Variants in ERC2 observed in about 807,000 individuals in gnomAD.
The protein encoded by ERC2 is ELKS/RAB6-interacting/CAST family member 2, also known as ERC protein 2.
In ERC2, 42 loss-of-function variants were observed where a neutral mutation model predicts 114.8. The observed-to-expected ratio is 0.37, with a 90% CI of 0.29 to 0.47. The LOEUF (loss-of-function observed/expected upper bound fraction) is 0.47, where lower values mean the gene tolerates loss of function less well. Among genes scored for constraint, ERC2 ranks in the 20% least tolerant of loss-of-function variants. The pLI is 0.99. For missense variants in ERC2, 939 were observed against 1,150.7 expected, an observed-to-expected ratio of 0.82 and a Z score of 2.66; for synonymous variants, 454 against 425.5, an observed-to-expected ratio of 1.07 and a Z score of -0.82.
chr3:55,786,804 T>C (rs1354752832), intron 14 of ERC2, among the ~76,000 whole-genome samples: 1 of 151,986 alleles, frequency 6.6e-6, no homozygotes, highest in African/African-American at 2.4e-5. Context: ...ATGAGTTGAG[T>C]GAGCTCTACC....
chr3:55,570,710 C>T (rs2056657131), intron 17 of ERC2, among the ~76,000 whole-genome samples: 1 of 152,144 alleles, frequency 6.6e-6, no homozygotes, highest in East Asian at 1.9e-4. Flanking sequence ...TTGGAGCTTC[C>T]CTTTCCTTCC....
At chr3:55,800,737 T>C (rs550743198) in intron 14 of ERC2, among the ~76,000 whole-genome samples, 1 of 152,244 alleles carries the variant, frequency 6.6e-6, no homozygotes, top group East Asian at 1.9e-4. Context: ...CTCCTTGCTT[T>C]CTTCCCCACA....
rs549974795 is a variant in ERC2 at position 56,381,781 on chromosome 3, C to A, written c.657+52570G>T. Among the ~76,000 whole-genome samples the A allele has an allele frequency of 4.2e-3, 644 of 151,646 alleles. 4 individuals are homozygous for A. Among genetic ancestry groups the A allele is most frequent in the Non-Finnish European group, 5.8e-3 (392 of 67,838 alleles). ...AAAAAAAGGGGGGGGTGGAAAAAAA[C>A]CAGGCAAAGTGATCTCTGATGGCTC... On this transcript the variant is annotated intron_variant, in intron 2 of 17. Transcript: ENST00000288221.
chr3:56,288,391 T>C (rs538070699), intron 3 of ERC2, among the ~76,000 whole-genome samples: 2 of 152,202 alleles, frequency 1.3e-5, no homozygotes, highest in South Asian at 2.1e-4. Flanking sequence ...ACATTCTCAC[T>C]CCTCCCTGGT....
chr3:56,320,231 G>C (rs1443558463), intron 2 of ERC2, among the ~76,000 whole-genome samples: 1 of 152,064 alleles, frequency 6.6e-6, no homozygotes, highest in Non-Finnish European at 1.5e-5. Flanking sequence ...GAAGAAACAG[G>C]TTAACTACAA....
intron 13 of ERC2, among the ~76,000 whole-genome samples, chr3:55,926,415 T>TTTA (rs112688151): frequency 3.1e-4 from 46 of 148,382 alleles, no homozygotes; most frequent in African/African-American, 1.1e-3. Context: ...TTTTTGTTTT[T>TTTA]AAAAAAAAAA....
intron 2 of ERC2, among the ~76,000 whole-genome samples, chr3:56,306,612 A>G (rs2056241059): frequency 6.6e-6 from 1 of 152,198 alleles, no homozygotes; most frequent in South Asian, 2.1e-4. Flanking sequence ...AGGATGGGTA[A>G]TTTTCTCAGG....
chr3:56,060,525 A>C (rs2076202445), intron 7 of ERC2, among the ~76,000 whole-genome samples: 1 of 152,214 alleles, frequency 6.6e-6, no homozygotes, highest in Non-Finnish European at 1.5e-5. Context: ...GCAATCATAC[A>C]CATTCTGTCT....
At chr3:56,164,798 G>A (rs535004564) in intron 4 of ERC2, among the ~76,000 whole-genome samples, 6 of 152,126 alleles carry the variant, frequency 3.9e-5, no homozygotes, top group South Asian at 2.1e-4. Flanking sequence ...TAGTGTGGGA[G>A]AAGTTGTATT....
intron 17 of ERC2, among the ~76,000 whole-genome samples, chr3:55,602,995 C>G (rs145908357): frequency 1.3e-5 from 2 of 152,064 alleles, no homozygotes; most frequent in African/African-American, 2.4e-5. Flanking sequence ...AAGAGAAGAC[C>G]GAGCATCTCC....
chr3:56,395,851 TG>T (rs2060286913), intron 2 of ERC2, among the ~76,000 whole-genome samples: 1 of 152,228 alleles, frequency 6.6e-6, no homozygotes, highest in Admixed American at 6.5e-5. Context: ...ATTATGCAAT[TG>T]AAGACTGCTA....
At chr3:55,657,820 A>G (rs2060944019) in intron 17 of ERC2, 1 of 152,018 alleles carries the variant, frequency 6.6e-6, no homozygotes, top group Non-Finnish European at 1.5e-5. Context: ...GTAGATAACA[A>G]TTTTTAATTA....
At chr3:55,829,185 G>A (rs549552725) in intron 14 of ERC2, among the ~76,000 whole-genome samples, 21 of 152,210 alleles carry the variant, frequency 1.4e-4, no homozygotes, top group African/African-American at 4.1e-4. Flanking sequence ...AACCAATTTT[G>A]AAAGGAAAAG....
intron 14 of ERC2, among the ~76,000 whole-genome samples, chr3:55,846,619 G>A (rs975893531): frequency 6.6e-5 from 10 of 151,928 alleles, no homozygotes; most frequent in African/African-American, 1.2e-4. Flanking sequence ...CACCAACAGC[G>A]TATAAGTGTT....
intron 6 of ERC2, among the ~76,000 whole-genome samples, chr3:56,104,907 A>G (rs1301903155): frequency 2.0e-5 from 3 of 152,158 alleles, no homozygotes; most frequent in Admixed American, 1.3e-4. Context: ...ATAGAACGCT[A>G]GAAAATGTCA....
chr3:55,636,538 T>G (rs1356355298), intron 17 of ERC2, among the ~76,000 whole-genome samples: 2 of 152,204 alleles, frequency 1.3e-5, no homozygotes, highest in African/African-American at 4.8e-5. Context: ...ATGTGTTCAA[T>G]GAACAAATGA....
chr3:55,807,706 T>C (rs754689660), intron 14 of ERC2, among the ~76,000 whole-genome samples: 12 of 152,216 alleles, frequency 7.9e-5, no homozygotes, highest in Non-Finnish European at 1.6e-4. Context: ...TTATGATGGA[T>C]AACGTGGTCT....
intron 2 of ERC2, among the ~76,000 whole-genome samples, chr3:56,304,715 C>T (rs975570689): frequency 5.3e-5 from 8 of 152,028 alleles, no homozygotes; most frequent in Admixed American, 3.3e-4. Context: ...CAGCATTAGA[C>T]AAAGTATTCT....
intron 2 of ERC2, among the ~76,000 whole-genome samples, chr3:56,431,885 C>T (rs2061808357): frequency 6.6e-6 from 1 of 152,210 alleles, no homozygotes; most frequent in Admixed American, 6.5e-5. Flanking sequence ...CACATTTCAC[C>T]TATGATACCA....
Sources: gnomAD v4.1 joint callset for allele counts (sites outside exome capture counted in the v4.1 genomes callset) on GRCh38, gnomAD v4.1.1 for gene constraint, MANE v1.5 for transcripts, NCBI Gene and HGNC (gene_info 2026-07-23, HGNC 2026-07-21) for gene names.